The following PI4KA variants were observed in gnomAD, a reference collection of about 807,000 sequenced individuals.
PI4KA encodes phosphatidylinositol 4-kinase alpha.
Under a neutral mutation model 271.4 loss-of-function variants are expected in PI4KA, and 122 were observed. The observed-to-expected ratio is 0.45, with a 90% CI of 0.39 to 0.52. The LOEUF (loss-of-function observed/expected upper bound fraction) is 0.52, where lower values mean the gene tolerates loss of function less well. PI4KA is among the 20% of genes least tolerant of loss of function. The pLI is 0.00. For synonymous variants in PI4KA, 1,041 were observed against 1,078.8 expected (o/e 0.96, Z 0.69); for missense variants, 1,969 against 2,769.1 (o/e 0.71, Z 6.48).
intron 36 of PI4KA, among the ~76,000 whole-genome samples, 182 bp downstream of exon 36, chr22:20,732,789 G>C (rs1227258121): frequency 2.0e-5 from 3 of 152,186 alleles, no homozygotes; most frequent in Non-Finnish European, 4.4e-5. Context: ...CTCAGCTCAG[G>C]CCAGAGGAGA....
In PI4KA at chr22:20,785,871, G is replaced by A. The variant is rs374693211; in HGVS notation, c.2328+7322C>T. On this transcript the variant is annotated intron_variant, in intron 19 of 54. Transcript: ENST00000255882. Reference sequence around the variant, plus strand: ...CCTAAAATCCTCAACTGACAGTCCCGGAATATAAATTTTAATAAGTGCTAT... The same window carrying A: ...CCTAAAATCCTCAACTGACAGTCCCAGAATATAAATTTTAATAAGTGCTAT... 2.8e-4 allele frequency: 363 copies of A among 1,294,372 alleles called. 5 individuals carry two copies. In the South Asian group the frequency reaches 4.1e-3, roughly 15 times the overall value. The allele number at this position is 1,294,372 out of a possible 1,614,324, so 80.2% of individuals were successfully genotyped here.
intron 19 of PI4KA, among the ~76,000 whole-genome samples, chr22:20,768,572 G>A (rs1397314002): frequency 6.6e-6 from 1 of 152,190 alleles, no homozygotes; most frequent in Non-Finnish European, 1.5e-5. Context: ...CTTCTTTAAT[G>A]TCTATATTTC....
intron 8 of PI4KA, among the ~76,000 whole-genome samples, chr22:20,813,070 G>A (rs1300089707): frequency 1.8e-4 from 27 of 152,212 alleles, no homozygotes; most frequent in Non-Finnish European, 1.5e-5. Flanking sequence ...ATGCAGCCCA[G>A]CTGCTGGCCT....
At chr22:20,838,947 T>C (rs1327646437) in intron 1 of PI4KA, among the ~76,000 whole-genome samples, 1 of 152,192 alleles carries the variant, frequency 6.6e-6, no homozygotes, top group Non-Finnish European at 1.5e-5. Context: ...CCAGGTGCAG[T>C]GGCTCACACC....
intron 23 of PI4KA, among the ~76,000 whole-genome samples, chr22:20,757,121 C>A (rs1195709062): frequency 6.6e-6 from 1 of 152,192 alleles, no homozygotes; most frequent in Non-Finnish European, 1.5e-5. Flanking sequence ...CAGAAGTCCC[C>A]ACTTTAGTGG....
chr22:20,857,802 C>G (rs178067), intron 1 of PI4KA, among the ~76,000 whole-genome samples: 83,341 of 152,030 alleles, frequency 0.55, 24,636 homozygotes, highest in African/African-American at 0.78. Flanking sequence ...ATTCAGGTCC[C>G]ACTCTAAAAT....
chr22:20,745,193 C>G (rs1356254755), intron 29 of PI4KA, among the ~76,000 whole-genome samples: 1 of 152,156 alleles, frequency 6.6e-6, no homozygotes, highest in Non-Finnish European at 1.5e-5. Flanking sequence ...ACCTTGAATA[C>G]AAAGGCAACC....
chr22:20,723,524 C>T (rs528991191), intron 42 of PI4KA, among the ~76,000 whole-genome samples: 1 of 149,808 alleles, frequency 6.7e-6, no homozygotes, highest in East Asian at 2.1e-4. Context: ...ATGGGGAAAC[C>T]TCATGTCTAT....
intron 42 of PI4KA, chr22:20,725,548 C>T (rs1328917992): frequency 8.9e-6 from 4 of 450,810 alleles, no homozygotes; most frequent in Admixed American, 7.1e-5. Context: ...GATTAGGACA[C>T]AGACACACAC....
Position 20,828,609 on chromosome 22 carries a change from C to T in PI4KA, c.368-4195G>A, listed in dbSNP as rs544394553. On this transcript the variant is annotated intron_variant, in intron 3 of 54. Coordinates refer to ENST00000255882, the MANE Select transcript of PI4KA (RefSeq NM_058004.4). ...CTTGCTCTGTTGCCAGATTGGAGTG[C>T]GGTGGCGTGATCTCGGCTCACTGCA... 1.6e-4 allele frequency among the ~76,000 whole-genome samples: 24 copies of T among 151,852 alleles called. No individual in the cohort carries two copies. The South Asian group carries it at 2.5e-3, about 16-fold the overall frequency.
chr22:20,832,366 T>C (rs1475476898), intron 3 of PI4KA, among the ~76,000 whole-genome samples: 1 of 152,136 alleles, frequency 6.6e-6, no homozygotes. Flanking sequence ...CCACCTGCCT[T>C]GGCCTCCCAA....
At chr22:20,834,733 C>G in intron 2 of PI4KA, 78 bp from the exon 3 acceptor site, 1 of 827,250 alleles carries the variant, frequency 1.2e-6, no homozygotes, top group Non-Finnish European at 2.0e-6. Flanking sequence ...AGATTAAGCC[C>G]AAAGCAAAGC....
intron 1 of PI4KA, among the ~76,000 whole-genome samples, chr22:20,856,184 C>T (rs535470452): frequency 6.6e-5 from 10 of 152,198 alleles, no homozygotes; most frequent in South Asian, 2.1e-4. Flanking sequence ...TGGTGGCACA[C>T]GCCTGTAGTC....
intron 19 of PI4KA, among the ~76,000 whole-genome samples, chr22:20,785,205 G>A (rs765840003): frequency 1.3e-5 from 2 of 151,798 alleles, no homozygotes; most frequent in Non-Finnish European, 2.9e-5. Flanking sequence ...GAATAGTTGA[G>A]ACTACAGGCG....
chr22:20,771,437 C>T (rs1209041908), intron 19 of PI4KA, among the ~76,000 whole-genome samples: 1 of 151,452 alleles, frequency 6.6e-6, no homozygotes, highest in Non-Finnish European at 1.5e-5. Context: ...AAAAAAAAGC[C>T]ATACACAAGC....
chr22:20,857,896 A>T (rs965387735), intron 1 of PI4KA, among the ~76,000 whole-genome samples: 1 of 152,078 alleles, frequency 6.6e-6, no homozygotes, highest in Admixed American at 6.5e-5. Flanking sequence ...GCATGACTTC[A>T]CCTTTCTCTT....
chr22:20,757,325 T>C (rs973191909), intron 23 of PI4KA, among the ~76,000 whole-genome samples: 1 of 152,162 alleles, frequency 6.6e-6, no homozygotes, highest in African/African-American at 2.4e-5. Flanking sequence ...TTTGAAACCA[T>C]GTGGAAGAGT....
In PI4KA at chr22:20,710,733, T is replaced by C. The variant is rs1169875484; in HGVS notation, c.6049A>G (p.Met2017Val). The change falls in exon 52 of 55, where the codon ATG (methionine) becomes GTG (valine). Residue 2017 changes from methionine (M) to valine (V), a missense_variant. By Grantham distance (21) the Met-to-Val change is conservative. Around this residue, in one of 13 missense-constraint regions of PI4KA, gnomAD observed 110 missense variants for 349.8 expected, o/e 0.31. Transcript: ENST00000255882. ...AGGTAGCCTCGGACACACATCTCCA[T>C]GAACCACTTGAAGGGTGTGGCCTCC... ...KMEATPFKWF[M>V]EMCVRGYLAV... is the part of the protein sequence containing the mutation. The C allele has an allele frequency of 1.2e-6, 2 of 1,613,928 alleles. No individual in the cohort carries two copies. The highest frequency in any genetic ancestry group is 1.3e-5 in the African/African-American group (1 of 74,934).
rs1041814382 is a variant in PI4KA at position 20,780,278 on chromosome 22, A to G, written c.2328+12915T>C. ...GTATGTGGGTAGATTGAATGCCAAGAACTGTACTGTAGCTATAATTTATCC... is the reference window on the plus strand; with the variant it reads ...GTATGTGGGTAGATTGAATGCCAAGGACTGTACTGTAGCTATAATTTATCC... On this transcript the variant is annotated intron_variant, in intron 19 of 54. Transcript: ENST00000255882. 392 of 1,594,578 alleles carry G rather than the reference A, an allele frequency of 2.5e-4. 1 individual carries two copies. The highest frequency in any genetic ancestry group is 3.0e-4 in the Non-Finnish European group (350 of 1,163,438).
Sources: gnomAD v4.1 joint callset for allele counts (sites outside exome capture counted in the v4.1 genomes callset) on GRCh38, gnomAD v4.1.1 for gene constraint, gnomAD v4.1.1 regional missense constraint, MANE v1.5 for transcripts, NCBI Gene and HGNC (gene_info 2026-07-23, HGNC 2026-07-21) for gene names.